The following MARK2 variants were observed in gnomAD, a reference collection of about 807,000 sequenced individuals.
The protein encoded by MARK2 is serine/threonine-protein kinase MARK2.
Under a neutral mutation model 89.8 loss-of-function variants are expected in MARK2, and 16 were observed. The observed-to-expected ratio is 0.18, with a 90% CI of 0.12 to 0.27. The LOEUF (loss-of-function observed/expected upper bound fraction) is 0.27. MARK2 is among the 10% of genes least tolerant of loss of function. The pLI is 1.00. For synonymous variants in MARK2, 382 were observed against 399.5 expected (o/e 0.96, Z 0.52); for missense variants, 621 against 1,049.9 (o/e 0.59, Z 5.65).
At chr11:63,867,227 C>T (rs980066024) in intron 1 of MARK2, among the ~76,000 whole-genome samples, 1 of 152,186 alleles carries the variant, frequency 6.6e-6, no homozygotes, top group African/African-American at 2.4e-5. Context: ...AGGGTTTCCC[C>T]ATGTTGCCTT....
chr11:63,861,270 C>T (rs1937756319), intron 1 of MARK2, among the ~76,000 whole-genome samples: 2 of 152,020 alleles, frequency 1.3e-5, no homozygotes, highest in Admixed American at 6.5e-5. Context: ...CCCATCTCTA[C>T]TAAAAATACA....
chr11:63,872,534 A>G (rs1424469886), intron 1 of MARK2, among the ~76,000 whole-genome samples: 2 of 152,048 alleles, frequency 1.3e-5, no homozygotes, highest in Non-Finnish European at 2.9e-5. Flanking sequence ...TTTTGTTTCC[A>G]TGCTTGTCCA....
intron 1 of MARK2, among the ~76,000 whole-genome samples, chr11:63,892,719 A>G (rs1939977400): frequency 8.2e-6 from 1 of 122,378 alleles, no homozygotes; most frequent in African/African-American, 2.9e-5. Context: ...GTTAGACCAG[A>G]CTCTGCATTT....
chr11:63,869,003 C>T (rs1405775097), intron 1 of MARK2: 10 of 380,322 alleles, frequency 2.6e-5, no homozygotes, highest in East Asian at 7.4e-5. Context: ...CCATGTTTTC[C>T]GAGGCCACTG....
chr11:63,899,791 C>G (rs1409462498), intron 7 of MARK2, 83 bp from the exon 8 acceptor site: 1 of 864,162 alleles, frequency 1.2e-6, no homozygotes, highest in South Asian at 1.4e-5. Flanking sequence ...TCCGTTTGTT[C>G]TCCCATTCCC....
At chr11:63,877,086 A>G (rs1359952820) in intron 1 of MARK2, among the ~76,000 whole-genome samples, 6 of 143,244 alleles carry the variant, frequency 4.2e-5, no homozygotes, top group African/African-American at 1.0e-4. Flanking sequence ...CTTAGAAACC[A>G]GTTCAATCAG....
At chr11:63,873,753 C>T (rs2135270243) in intron 1 of MARK2, among the ~76,000 whole-genome samples, 1 of 152,346 alleles carries the variant, frequency 6.6e-6, no homozygotes, top group African/African-American at 2.4e-5. Context: ...TAAAGCGATT[C>T]TTCTGCCTCA....
At chr11:63,885,514 G>A (rs1294229978) in intron 1 of MARK2, among the ~76,000 whole-genome samples, 1 of 151,980 alleles carries the variant, frequency 6.6e-6, no homozygotes, top group Non-Finnish European at 1.5e-5. Context: ...ACTCTAGCCT[G>A]GGTGATAGAG....
chr11:63,871,068 C>A (rs1243916596), intron 1 of MARK2, among the ~76,000 whole-genome samples: 1 of 152,116 alleles, frequency 6.6e-6, no homozygotes, highest in Non-Finnish European at 1.5e-5. Flanking sequence ...GTGTATATAC[C>A]TACACACACA....
At chr11:63,888,509 A>G in intron 1 of MARK2, 1 of 1,005,088 alleles carries the variant, frequency 9.9e-7, no homozygotes, top group Non-Finnish European at 1.2e-6. Context: ...GGGAGGGGAG[A>G]AGGAAGTTGA....
At chr11:63,853,137 G>T (rs1482093860) in intron 1 of MARK2, among the ~76,000 whole-genome samples, 1 of 152,210 alleles carries the variant, frequency 6.6e-6, no homozygotes, top group Non-Finnish European at 1.5e-5. Flanking sequence ...GGTGGCTCAT[G>T]CCTGTAATCC....
Position 63,854,204 on chromosome 11 carries a change from G to A in MARK2, c.54+14644G>A, listed in dbSNP as rs1290735766. Among the ~76,000 whole-genome samples, 5 of 146,622 alleles carry A rather than the reference G, an allele frequency of 3.4e-5. No homozygotes were observed. The East Asian group carries it at 1.0e-3, about 31-fold the overall frequency. ...ATTAATTCTGTGTGTGTGTGTGTGT[G>A]TGTGTGTGTGTGTGTGACAAGGTCT... On this transcript the variant is annotated intron_variant, in intron 1 of 18. Coordinates refer to ENST00000402010, the MANE Select transcript of MARK2 (RefSeq NM_001039469.3).
At chr11:63,865,107 C>T (rs1300695021) in intron 1 of MARK2, among the ~76,000 whole-genome samples, 1 of 151,798 alleles carries the variant, frequency 6.6e-6, no homozygotes, top group Admixed American at 6.6e-5. Flanking sequence ...CCCAGGCTGG[C>T]CTGGAACTCC....
At chr11:63,845,675 G>A (rs2016241979) in intron 1 of MARK2, among the ~76,000 whole-genome samples, 1 of 152,130 alleles carries the variant, frequency 6.6e-6, no homozygotes. Context: ...TGAGCAGAAT[G>A]TTACTGCCAC....
intron 1 of MARK2, among the ~76,000 whole-genome samples, chr11:63,872,602 G>T (rs1358993660): frequency 3.3e-5 from 5 of 152,034 alleles, no homozygotes; most frequent in African/African-American, 9.7e-5. Context: ...CCATAAACCT[G>T]CCCACCTCCT....
rs1398563377 is a variant in MARK2, at chr11:63,900,714, G to T, written c.888+36G>T. The T allele has an allele frequency of 6.2e-7, 1 of 1,613,686 alleles. No individual in the cohort carries two copies. The highest frequency in any genetic ancestry group is 1.1e-5 in the South Asian group (1 of 91,074). ...GAGCCCAACTGGCGGAAGGGCCTGG[G>T]GTCCCCACAGAAACTTTCCAGCTGA... On this transcript the variant is annotated intron_variant, in intron 9 of 18. Transcript: ENST00000402010. This position sits in a 1 kb window ranked among gnomAD's most constrained non-coding sequence, Gnocchi z 4.7.
In MARK2 at chr11:63,898,291, G is replaced by A. The variant is rs374391996; in HGVS notation, c.337+11G>A. ...ATCATCCCAACATAGGTGAGCACAA[G>A]TTGTTATTTCTTTCTTCTTCCCCAA... is the stretch of plus-strand genomic sequence containing the variant. On this transcript the variant is annotated intron_variant, in intron 4 of 18. Coordinates refer to ENST00000402010, the MANE Select transcript of MARK2 (RefSeq NM_001039469.3). 6.2e-7 allele frequency: 1 copy of A among 1,612,482 alleles called. No individual in the cohort carries two copies.
At chr11:63,889,249 A>G (rs758625873) in intron 1 of MARK2, among the ~76,000 whole-genome samples, 11 of 152,160 alleles carry the variant, frequency 7.2e-5, no homozygotes, top group Non-Finnish European at 1.3e-4. Flanking sequence ...CCCGTGCTAC[A>G]GTGAGGGGGA....
intron 17 of MARK2, among the ~76,000 whole-genome samples, chr11:63,907,893 G>A (rs894676576): frequency 9.9e-5 from 15 of 152,248 alleles, no homozygotes; most frequent in African/African-American, 2.9e-4. Flanking sequence ...AGAACAGCGC[G>A]TGAGCCCTGG....
Sources: allele counts gnomAD v4.1 joint callset (sites outside exome capture counted in the v4.1 genomes callset), GRCh38; gene constraint gnomAD v4.1.1; non-coding constraint Gnocchi (gnomAD v3.1); transcripts MANE v1.5; gene names NCBI Gene and HGNC (gene_info 2026-07-23, HGNC 2026-07-21).